The following PLD5 variants were observed in gnomAD, a reference collection of about 807,000 sequenced individuals.
PLD5 encodes inactive phospholipase D5.
Under a neutral mutation model 61.1 loss-of-function variants are expected in PLD5, and 36 were observed. The ratio of observed to expected loss-of-function variants is 0.59; its 90% CI spans 0.45 to 0.78. The LOEUF (loss-of-function observed/expected upper bound fraction) is 0.78, where lower values mean the gene tolerates loss of function less well. Among genes scored for constraint, PLD5 ranks in the 30% least tolerant of loss-of-function variants. The pLI is 0.00. For missense variants in PLD5, 515 were observed against 644.4 expected (o/e 0.80, Z 2.17); for synonymous variants, 243 against 242.8 (o/e 1.00, Z -0.01).
At chr1:242,273,616 C>T (rs1402064842) in intron 3 of PLD5, among the ~76,000 whole-genome samples, 1 of 152,182 alleles carries the variant, frequency 6.6e-6, no homozygotes, top group African/African-American at 2.4e-5. Context: ...AAAGATAGTG[C>T]ATCTGAATCT....
upstream of PLD5, among the ~76,000 whole-genome samples, chr1:242,526,136 C>T (rs1669440016): frequency 6.6e-6 from 1 of 152,174 alleles, no homozygotes; most frequent in South Asian, 2.1e-4. Flanking sequence ...GGCGGAGTGG[C>T]TCAGGTTTGT....
chr1:242,200,438 A>C (rs905535572), intron 5 of PLD5, among the ~76,000 whole-genome samples: 1 of 152,188 alleles, frequency 6.6e-6, no homozygotes, highest in South Asian at 2.1e-4. Flanking sequence ...AAAAGGCAGT[A>C]GCTTTGAGAC....
intron 1 of PLD5, among the ~76,000 whole-genome samples, chr1:242,394,486 G>A (rs1663271943): frequency 1.1e-5 from 1 of 90,450 alleles, no homozygotes; most frequent in Non-Finnish European, 2.0e-5. Context: ...GTGTATATAT[G>A]TGAACATATA....
chr1:242,131,811 C>T (rs1010743569), intron 5 of PLD5, among the ~76,000 whole-genome samples: 1 of 148,028 alleles, frequency 6.8e-6, no homozygotes, highest in Non-Finnish European at 1.5e-5. Flanking sequence ...GTAATTACAC[C>T]AGAAAAGTAT....
chr1:242,129,429 T>TG (rs1397721383), intron 5 of PLD5, among the ~76,000 whole-genome samples: 2 of 152,178 alleles, frequency 1.3e-5, no homozygotes, highest in Non-Finnish European at 2.9e-5. Flanking sequence ...CTGTCGATGA[T>TG]GGAAAAAAAA....
At chr1:242,442,801 G>A (rs1666337604) in intron 1 of PLD5, among the ~76,000 whole-genome samples, 1 of 152,174 alleles carries the variant, frequency 6.6e-6, no homozygotes, top group Admixed American at 6.5e-5. Flanking sequence ...TTAATTTTCA[G>A]TATCTTAAGA....
At chr1:242,117,215 G>A (rs1193439961) in intron 6 of PLD5, among the ~76,000 whole-genome samples, 1 of 152,070 alleles carries the variant, frequency 6.6e-6, no homozygotes, top group East Asian at 1.9e-4. Flanking sequence ...CATCCTGTCT[G>A]TGACCCCAAA....
intron 1 of PLD5, among the ~76,000 whole-genome samples, chr1:242,486,485 GA>G (rs1413679691): frequency 6.6e-6 from 1 of 152,186 alleles, no homozygotes; most frequent in Non-Finnish European, 1.5e-5. Context: ...GGCCATCAGA[GA>G]AATGCAAATC....
chr1:242,514,827 G>A (rs138599566), intron 1 of PLD5, among the ~76,000 whole-genome samples: 3 of 152,202 alleles, frequency 2.0e-5, no homozygotes, highest in African/African-American at 7.2e-5. Context: ...GCCATACAGG[G>A]AGAGGTGACA....
rs564911814 is a variant in PLD5, at chr1:242,492,746, G to A, written c.189+31342C>T. ...GGAGGCTGGGAAGTCCAAGAACAAGGCACCAATAGATCCAGTGCCTGAGGA... is the reference window on the plus strand; with the variant it reads ...GGAGGCTGGGAAGTCCAAGAACAAGACACCAATAGATCCAGTGCCTGAGGA... On this transcript the variant is annotated intron_variant, in intron 1 of 9. Transcript: ENST00000536534. Among the ~76,000 whole-genome samples the A allele has an allele frequency of 1.4e-4, 22 of 152,232 alleles. No individual in the cohort carries two copies. The South Asian group carries it at 2.7e-3, about 19-fold the overall frequency.
chr1:242,511,930 G>GT (rs1231012700), intron 1 of PLD5, among the ~76,000 whole-genome samples: 2 of 152,214 alleles, frequency 1.3e-5, no homozygotes, highest in South Asian at 4.2e-4. Context: ...CCAAATTAAA[G>GT]TTTTTTTAAT....
intron 1 of PLD5, among the ~76,000 whole-genome samples, chr1:242,359,907 T>C (rs1448493649): frequency 2.0e-5 from 3 of 152,076 alleles, no homozygotes; most frequent in Non-Finnish European, 4.4e-5. Context: ...AGAAACAAGG[T>C]AAATATATAA....
intron 5 of PLD5, among the ~76,000 whole-genome samples, chr1:242,162,472 T>G (rs1430275018): frequency 6.6e-6 from 1 of 152,136 alleles, no homozygotes; most frequent in East Asian, 1.9e-4. Flanking sequence ...AAACCTAAAA[T>G]GCAAAGAAAA....
At chr1:242,385,373 C>T (rs540597069) in intron 1 of PLD5, among the ~76,000 whole-genome samples, 41 of 152,192 alleles carry the variant, frequency 2.7e-4, no homozygotes, top group Non-Finnish European at 5.4e-4. Context: ...GCTCCTAGAT[C>T]GATTGTATTA....
intron 1 of PLD5, among the ~76,000 whole-genome samples, chr1:242,401,319 G>C (rs952232995): frequency 3.3e-5 from 5 of 151,986 alleles, no homozygotes; most frequent in Admixed American, 2.6e-4. Context: ...TAATCAGATA[G>C]TTGCAACAGC....
intron 5 of PLD5, among the ~76,000 whole-genome samples, chr1:242,131,711 G>A (rs1663265809): frequency 6.6e-6 from 1 of 152,100 alleles, no homozygotes; most frequent in African/African-American, 2.4e-5. Flanking sequence ...CTGTGGGTGG[G>A]GGCCAGGTCC....
At position 242,486,764 on chromosome 1, in the gene PLD5, A is replaced by T. The variant is rs541290955; in HGVS notation, c.189+37324T>A. Among the ~76,000 whole-genome samples the T allele has an allele frequency of 6.9e-3, 1,044 of 152,292 alleles. 11 individuals carry two copies. Among genetic ancestry groups the T allele is most frequent in the African/African-American group, 0.024 (978 of 41,550 alleles). Reference sequence around the variant, plus strand: ...CTGCTATAAAGACACATGCACACGTATGTTTATTGTGGCACTATTCACAAT... The same window carrying T: ...CTGCTATAAAGACACATGCACACGTTTGTTTATTGTGGCACTATTCACAAT... On this transcript the variant is annotated intron_variant, in intron 1 of 9. Coordinates refer to ENST00000536534, the MANE Select transcript of PLD5 (RefSeq NM_001372062.1).
In PLD5 at chr1:242,465,877, C is replaced by T. The variant is rs985179487; in HGVS notation, c.189+58211G>A. ...CTGGGAGGCGGAGGTTGCAGTGAGC[C>T]GAGATCGTGCCACTGCACTCTAGCC... is the stretch of plus-strand genomic sequence containing the variant. On this transcript the variant is annotated intron_variant, in intron 1 of 9. Coordinates refer to ENST00000536534, the MANE Select transcript of PLD5 (RefSeq NM_001372062.1). Among the ~76,000 whole-genome samples the T allele has an allele frequency of 1.1e-4, 16 of 152,252 alleles. No homozygotes were observed. In the East Asian group the frequency reaches 2.5e-3, roughly 24 times the overall value.
rs185830304 is a variant in PLD5 at position 242,182,289 on chromosome 1, G to A, written c.735+37699C>T. Among the ~76,000 whole-genome samples, 891 of 152,218 alleles carry A rather than the reference G, an allele frequency of 5.9e-3. 7 individuals are homozygous for A. Among genetic ancestry groups the A allele is most frequent in the Non-Finnish European group, 7.4e-3 (506 of 68,026 alleles). ...AACAAGTAAAACTTTCTGATACTTG[G>A]CCATGGGTATCCCTAAGACACCAAA... On this transcript the variant is annotated intron_variant, in intron 5 of 9. Coordinates refer to ENST00000536534, the MANE Select transcript of PLD5 (RefSeq NM_001372062.1).
Sources: gnomAD v4.1 joint callset for allele counts (sites outside exome capture counted in the v4.1 genomes callset) on GRCh38, gnomAD v4.1.1 for gene constraint, MANE v1.5 for transcripts, NCBI Gene and HGNC (gene_info 2026-07-23, HGNC 2026-07-21) for gene names.